Variants in PCNX2 observed in about 807,000 individuals in gnomAD.
PCNX2 encodes the protein pecanex-like protein 2.
PCNX2 carries 168 observed loss-of-function variants against 223.8 expected under a neutral mutation model. The observed-to-expected ratio is 0.75, with a 90% CI of 0.66 to 0.85. The LOEUF (loss-of-function observed/expected upper bound fraction) is 0.85. Ranked by LOEUF, PCNX2 falls within the 40% of genes least tolerant of loss-of-function variation. The pLI is 0.00. For missense variants in PCNX2, 2,507 were observed against 2,675.5 expected (o/e 0.94, Z 1.39); for synonymous variants, 1,006 against 1,052.6 (o/e 0.96, Z 0.86).
chr1:232,986,168 G>A lies in PCNX2; in HGVS notation c.6164C>T (p.Thr2055Ile). 1 of 1,566,944 alleles carries A rather than the reference G, an allele frequency of 6.4e-7. No individual in the cohort carries two copies. The highest frequency in any genetic ancestry group is 1.2e-5 in the South Asian group (1 of 85,098). The change falls in exon 33 of 34, where the codon ACC becomes ATC. Residue 2055 changes from threonine to isoleucine, a missense_variant. By Grantham distance (89) the Thr-to-Ile change is moderately conservative. Around this residue, in one of 3 missense-constraint regions of PCNX2, gnomAD observed 1,372 missense variants for 1,509.4 expected, o/e 0.91. Transcript: ENST00000258229. ...SGLSAAEGGN[T>I]SDTQSSSSVN... is the part of the protein sequence containing the mutation. ...GCTGCTGGATGACTGGGTGTCACTG[G>A]TATTGCCCCCCTCCGCAGCAGAGAG...
intron 1 of PCNX2, among the ~76,000 whole-genome samples, chr1:233,264,448 C>T (rs1421654746): frequency 6.6e-6 from 1 of 152,196 alleles, no homozygotes; most frequent in East Asian, 1.9e-4. Flanking sequence ...CCCTGTACAG[C>T]TTGCCGTGGT....
chr1:233,087,076 C>T (rs1283978661), intron 23 of PCNX2: 11 of 985,222 alleles, frequency 1.1e-5, no homozygotes, highest in African/African-American at 1.7e-5. Context: ...GGTTTCAGGA[C>T]CGGCCAGTTC....
upstream of PCNX2, among the ~76,000 whole-genome samples, chr1:233,295,998 C>CTTTTTTTTTTTTTTTT (rs201102619): frequency 2.1e-5 from 2 of 96,884 alleles, no homozygotes; most frequent in Admixed American, 1.1e-4. The surrounding 1 kb of genome is among the most constrained non-coding windows in gnomAD (Gnocchi z 4.1). Context: ...TTCTTTCTTT[C>CTTTTTTTTTTTTTTTT]TTTCTTTTTT....
At chr1:233,273,368 C>A (rs960075125) in intron 1 of PCNX2, among the ~76,000 whole-genome samples, 5 of 151,854 alleles carry the variant, frequency 3.3e-5, no homozygotes, top group Non-Finnish European at 7.4e-5. Context: ...TGGGAGGGTC[C>A]TTAGAGGCTG....
intron 12 of PCNX2, among the ~76,000 whole-genome samples, chr1:233,217,323 A>G (rs1411086809): frequency 1.3e-5 from 2 of 152,216 alleles, no homozygotes; most frequent in East Asian, 1.9e-4. Context: ...CCTGTACCCC[A>G]TAAGTATATA....
intron 5 of PCNX2, among the ~76,000 whole-genome samples, chr1:233,255,743 G>A (rs1345318979): frequency 6.6e-6 from 1 of 152,138 alleles, no homozygotes; most frequent in African/African-American, 2.4e-5. Flanking sequence ...CCAAGTTCAA[G>A]CACTGTCCTA....
At chr1:233,289,426 T>A (rs1236228217) in intron 1 of PCNX2, 33 of 1,419,160 alleles carry the variant, frequency 2.3e-5, no homozygotes, top group Non-Finnish European at 3.2e-5. Flanking sequence ...GGCTTCACGA[T>A]CTTGGCGCTC....
the PCNX2 span, among the ~76,000 whole-genome samples, chr1:233,310,831 G>A: frequency 9.2e-5 from 14 of 152,180 alleles, no homozygotes; most frequent in African/African-American, 2.4e-4. Flanking sequence ...GGGAGCTGGT[G>A]TGTGCAGGTC....
rs74458072 is a variant in PCNX2, at chr1:232,987,070, C to T, written c.5792-530G>A. ...AGAAAGGGGAGGAGAGCTGAAAGCC[C>T]ATGCCCTCGCCTCTTTTCCAGAATA... On this transcript the variant is annotated intron_variant, in intron 32 of 33. Transcript: ENST00000258229. 1.5e-3 allele frequency among the ~76,000 whole-genome samples: 229 copies of T among 152,330 alleles called. 1 individual carries two copies. The highest frequency in any genetic ancestry group is 5.3e-3 in the African/African-American group (222 of 41,568).
chr1:233,232,445 C>T (rs934435373), intron 9 of PCNX2, among the ~76,000 whole-genome samples: 2 of 152,084 alleles, frequency 1.3e-5, no homozygotes, highest in African/African-American at 4.8e-5. Context: ...ACGATATTTT[C>T]AACTTATGAT....
At position 233,260,683 on chromosome 1, in the gene PCNX2, T is replaced by C. The variant is rs116030436; in HGVS notation, c.517+602A>G. On this transcript the variant is annotated intron_variant, in intron 4 of 33. Transcript: ENST00000258229. ...ATTAAACTTTACATTATTTTCAAAA[T>C]TGAAATAGTGCACAAAATTTGTCTT... is the stretch of plus-strand genomic sequence containing the variant. Among the ~76,000 whole-genome samples the C allele has an allele frequency of 5.3e-3, 803 of 152,136 alleles. 8 individuals are homozygous for C. Among genetic ancestry groups the C allele is most frequent in the African/African-American group, 0.018 (764 of 41,520 alleles).
intron 19 of PCNX2, among the ~76,000 whole-genome samples, chr1:233,140,899 A>G (rs1247929500): frequency 6.6e-6 from 1 of 152,168 alleles, no homozygotes; most frequent in Non-Finnish European, 1.5e-5. Flanking sequence ...GGGAGGCTGC[A>G]GTGGGCCCCC....
intron 9 of PCNX2, chr1:233,231,624 G>A (rs1658069223): frequency 2.0e-6 from 2 of 982,226 alleles, no homozygotes; most frequent in Non-Finnish European, 2.4e-6. Flanking sequence ...GATTTTACCT[G>A]AAAGGGCAGG....
intron 1 of PCNX2, among the ~76,000 whole-genome samples, chr1:233,292,980 T>C (rs1216182314): frequency 6.6e-6 from 1 of 152,208 alleles, no homozygotes; most frequent in Non-Finnish European, 1.5e-5. Context: ...TCTCAGACTT[T>C]ACTTTCTAAA....
Position 232,989,657 on chromosome 1 carries a change from G to A in PCNX2, c.5792-3117C>T, listed in dbSNP as rs147390433. ...AAGGACCCCTGTATCACTTCTATGA[G>A]CTCAGCACCCAGTACACTAACATGT... On this transcript the variant is annotated intron_variant, in intron 32 of 33. Coordinates refer to ENST00000258229, the MANE Select transcript of PCNX2 (RefSeq NM_014801.4). Among the ~76,000 whole-genome samples the A allele has an allele frequency of 6.1e-4, 93 of 152,300 alleles. 1 individual carries two copies. In the East Asian group the frequency reaches 0.012, roughly 20 times the overall value.
At chr1:233,043,416 A>T (rs1432832789) in intron 25 of PCNX2, among the ~76,000 whole-genome samples, 1 of 152,126 alleles carries the variant, frequency 6.6e-6, no homozygotes, top group Admixed American at 6.6e-5. Flanking sequence ...TTAAAAAATT[A>T]TTATTATACT....
chr1:232,985,987 G>T, intron 33 of PCNX2, 105 bp downstream of exon 33: 1 of 1,249,990 alleles, frequency 8.0e-7, no homozygotes, highest in Non-Finnish European at 1.1e-6. Context: ...AGGGGATGGG[G>T]TTCTGCAGGC....
rs943919479 is a variant in PCNX2 at position 233,000,684 on chromosome 1, C to T, written c.5098-149G>A. ...CTGTTCTTTTTCCAAATCCTGAGCT[C>T]GGCACAGAGGACACCTCTTTATCTC... On this transcript the variant is annotated intron_variant, in intron 29 of 33. Transcript: ENST00000258229. The surrounding 1 kb of genome is among the most constrained non-coding windows in gnomAD (Gnocchi z 4.6). 6.2e-5 allele frequency: 41 copies of T among 658,992 alleles called. No homozygotes were observed. The highest frequency in any genetic ancestry group is 8.6e-5 in the Non-Finnish European group (33 of 383,546). The allele number at this position is 658,992 out of a possible 1,614,324, so 40.8% of individuals were successfully genotyped here.
chr1:233,121,734 G>A (rs1426436759), intron 21 of PCNX2, among the ~76,000 whole-genome samples: 3 of 152,148 alleles, frequency 2.0e-5, no homozygotes, highest in Admixed American at 1.3e-4. Flanking sequence ...AAGGGGAAAA[G>A]GCTAGAATGA....
Sources: gnomAD v4.1 joint callset for allele counts (sites outside exome capture counted in the v4.1 genomes callset) on GRCh38, gnomAD v4.1.1 for gene constraint, gnomAD v4.1.1 regional missense constraint, Gnocchi (gnomAD v3.1) non-coding constraint, MANE v1.5 for transcripts, NCBI Gene and HGNC (gene_info 2026-07-23, HGNC 2026-07-21) for gene names.